Variants in DERL1 observed in about 807,000 individuals in gnomAD.
The protein encoded by DERL1 is derlin-1.
DERL1 carries 24 observed loss-of-function variants against 41.6 expected under a neutral mutation model. That is an observed-to-expected ratio of 0.58 (90% confidence interval 0.42 to 0.81). The LOEUF (loss-of-function observed/expected upper bound fraction) is 0.81, where lower values mean the gene tolerates loss of function less well. Ranked by LOEUF, DERL1 falls within the 30% of genes least tolerant of loss-of-function variation. The probability of loss-of-function intolerance (pLI) is 0.00; values close to 1 mark genes in which losing one functional copy is unlikely to be tolerated. For synonymous variants in DERL1, 124 were observed against 112.5 expected (o/e 1.10, Z -0.65); for missense variants, 260 against 314.3 (o/e 0.83, Z 1.31).
At chr8:123,041,343 G>A (rs1005408001) in intron 1 of DERL1, among the ~76,000 whole-genome samples, 1 of 152,206 alleles carries the variant, frequency 6.6e-6, no homozygotes, top group Admixed American at 6.5e-5. Context: ...ACTCTGGACT[G>A]TTTCCTTCAT....
At chr8:123,037,548 T>C (rs1812953828) in intron 1 of DERL1, among the ~76,000 whole-genome samples, 1 of 152,188 alleles carries the variant, frequency 6.6e-6, no homozygotes, top group Non-Finnish European at 1.5e-5. Flanking sequence ...CTTGAGACCA[T>C]GATTCAACTA....
intron 1 of DERL1, among the ~76,000 whole-genome samples, chr8:123,036,417 T>C (rs1367751344): frequency 6.6e-6 from 1 of 152,120 alleles, no homozygotes; most frequent in Non-Finnish European, 1.5e-5. Flanking sequence ...GCAACAACAA[T>C]ACATGGTATT....
intron 4 of DERL1, among the ~76,000 whole-genome samples, chr8:123,023,384 A>G (rs942883825): frequency 2.6e-5 from 4 of 152,028 alleles, no homozygotes; most frequent in Non-Finnish European, 5.9e-5. Flanking sequence ...GTGAAACCCC[A>G]TCTCTACTAA....
At position 123,015,541 on chromosome 8, in the gene DERL1, C is replaced by G; in HGVS notation, c.662G>C (p.Gly221Ala). The change falls in exon 8 of 8, where the codon GGT becomes GCT. Residue 221 changes from glycine to alanine, a missense_variant. Physicochemically the swap from Gly to Ala is moderately conservative, Grantham distance 60 (BLOSUM62 0). Coordinates refer to ENST00000259512, the MANE Select transcript of DERL1 (RefSeq NM_024295.6). ...PSRRGGVSGFGVPPASMRRAA... is the reference protein window; with the variant it reads ...PSRRGGVSGFAVPPASMRRAA... ...TCGCCTCATGCTAGCAGGGGGCACA[C>G]CAAATCCTGATACTCCTCCTCTCCT... 6.2e-7 allele frequency: 1 copy of G among 1,612,600 alleles called. No individual in the cohort carries two copies. Among genetic ancestry groups the G allele is most frequent in the Non-Finnish European group, 8.5e-7 (1 of 1,179,390 alleles).
At chr8:123,039,017 C>T (rs1235332000) in intron 1 of DERL1, among the ~76,000 whole-genome samples, 1 of 152,208 alleles carries the variant, frequency 6.6e-6, no homozygotes, top group Non-Finnish European at 1.5e-5. Flanking sequence ...TCAAGGGCTC[C>T]GCCATCCACT....
At chr8:123,034,170 G>A (rs903335331) in intron 1 of DERL1, among the ~76,000 whole-genome samples, 1 of 152,214 alleles carries the variant, frequency 6.6e-6, no homozygotes, top group Non-Finnish European at 1.5e-5. Context: ...ACGGGGACTG[G>A]CCACATACAG....
At chr8:123,019,036 C>A in intron 7 of DERL1, 159 bp downstream of exon 7, 1 of 662,984 alleles carries the variant, frequency 1.5e-6, no homozygotes, top group Non-Finnish European at 2.7e-6. Context: ...TAATCCCTAA[C>A]TTCCTGTGAC....
At chr8:123,024,962 C>A in intron 3 of DERL1, 24 bp downstream of exon 3, 2 of 1,606,852 alleles carry the variant, frequency 1.2e-6, no homozygotes, top group Non-Finnish European at 1.7e-6. Context: ...TATTTCTGGC[C>A]CAAAATCACA....
intron 6 of DERL1, among the ~76,000 whole-genome samples, chr8:123,019,930 G>A (rs1279132750): frequency 1.3e-5 from 2 of 152,122 alleles, no homozygotes; most frequent in African/African-American, 4.8e-5. Flanking sequence ...AATCCTCTTT[G>A]TCTTCACCTG....
At chr8:123,037,928 C>G (rs1480591228) in intron 1 of DERL1, among the ~76,000 whole-genome samples, 1 of 152,154 alleles carries the variant, frequency 6.6e-6, no homozygotes, top group Non-Finnish European at 1.5e-5. Flanking sequence ...ATTGCCACCT[C>G]TTGTGTAGTT....
chr8:123,027,401 G>T (rs1341252993), intron 2 of DERL1, among the ~76,000 whole-genome samples: 1 of 151,898 alleles, frequency 6.6e-6, no homozygotes, highest in African/African-American at 2.4e-5. Flanking sequence ...GTTTCTTTTG[G>T]GGGTGGTGAA....
chr8:123,019,801 A>T (rs928740261), intron 6 of DERL1, among the ~76,000 whole-genome samples: 3 of 152,128 alleles, frequency 2.0e-5, no homozygotes, highest in African/African-American at 7.2e-5. Context: ...GTAAGACACC[A>T]CAGAGATCAC....
intron 3 of DERL1, among the ~76,000 whole-genome samples, chr8:123,024,444 G>C (rs1563631126): frequency 6.6e-6 from 1 of 152,168 alleles, no homozygotes; most frequent in Non-Finnish European, 1.5e-5. Context: ...AGCTGCTGCT[G>C]CTCTCACCAT....
At position 123,018,754 on chromosome 8, in the gene DERL1, T is replaced by A. The variant is rs1814674302; in HGVS notation, c.617+441A>T. On this transcript the variant is annotated intron_variant, in intron 7 of 7. Transcript: ENST00000259512. ...ACAGTCCTGTAAAATGTCTACTCCA[T>A]AGTATTTAATATAAAAATGTTTAAA... is the stretch of plus-strand genomic sequence containing the variant. The A allele has an allele frequency of 2.3e-5, 5 of 220,260 alleles. No individual in the cohort carries two copies. In the South Asian group the frequency reaches 3.2e-4, roughly 14 times the overall value. 13.6% of individuals were successfully genotyped at this position (220,260 alleles called of 1,614,324 possible). A position where few individuals can be genotyped will look rare whatever the true frequency, so the allele number is the denominator to read the frequency against.
chr8:123,025,444 G>T, intron 2 of DERL1: 1 of 167,334 alleles, frequency 6.0e-6, no homozygotes, highest in Admixed American at 6.1e-5. Context: ...CCTGATGGCC[G>T]CATTCTGGAT....
chr8:123,036,016 A>G (rs535652185), intron 1 of DERL1, among the ~76,000 whole-genome samples: 1 of 152,280 alleles, frequency 6.6e-6, no homozygotes, highest in Non-Finnish European at 1.5e-5. Flanking sequence ...CTGGGTGGGG[A>G]GACACAACGG....
chr8:123,030,545 A>G (rs1233121010), intron 2 of DERL1, 60 bp downstream of exon 2: 1 of 1,251,040 alleles, frequency 8.0e-7, no homozygotes, highest in African/African-American at 1.5e-5. Context: ...CCTCCAAAGT[A>G]AACACATGGA....
rs1336221550 is a variant in DERL1 at position 123,015,198 on chromosome 8, A to C, written c.*249T>G. 9.5e-6 allele frequency: 4 copies of C among 421,048 alleles called. No individual in the cohort carries two copies. In the East Asian group the frequency reaches 1.3e-4, roughly 13 times the overall value. 26.1% of individuals were successfully genotyped at this position (421,048 alleles called of 1,614,324 possible). A position where few individuals can be genotyped will look rare whatever the true frequency, so the allele number is the denominator to read the frequency against. ...AAGGGGAGAAGAGAAGACACCAAAA[A>C]ATGTAGTCAGTTTTGCAATTTGCAC... is the stretch of plus-strand genomic sequence containing the variant. On this transcript the variant is annotated 3_prime_UTR_variant, in exon 8 of 8. Coordinates refer to ENST00000259512, the MANE Select transcript of DERL1 (RefSeq NM_024295.6).
rs1814502719 is a variant in DERL1, at chr8:123,014,520, A to G, written c.*927T>C. Reference sequence around the variant, plus strand: ...TCCAGAATGAGATTGAAATGGAATCAATGCCCAGGAGCCTCTCAAAGAGAG... The same window carrying G: ...TCCAGAATGAGATTGAAATGGAATCGATGCCCAGGAGCCTCTCAAAGAGAG... On this transcript the variant is annotated 3_prime_UTR_variant, in exon 8 of 8. Coordinates refer to ENST00000259512, the MANE Select transcript of DERL1 (RefSeq NM_024295.6). 1 of 152,664 alleles carries G rather than the reference A, an allele frequency of 6.6e-6. No homozygotes were observed. The highest frequency in any genetic ancestry group is 2.1e-4 in the South Asian group (1 of 4,828). The allele number at this position is 152,664 out of a possible 1,614,324, so 9.5% of individuals were successfully genotyped here.
Sources: allele counts gnomAD v4.1 joint callset (sites outside exome capture counted in the v4.1 genomes callset), GRCh38; gene constraint gnomAD v4.1.1; transcripts MANE v1.5; gene names NCBI Gene and HGNC (gene_info 2026-07-23, HGNC 2026-07-21).